The following VGLL4 variants were observed in gnomAD, a reference collection of about 807,000 sequenced individuals.
VGLL4 encodes transcription cofactor vestigial-like protein 4.
A neutral mutation model predicts 21.0 loss-of-function variants in VGLL4; 7 were observed. The observed-to-expected ratio is 0.33, with a 90% CI of 0.19 to 0.63. VGLL4 has a LOEUF of 0.63. VGLL4 is among the 20% of genes least tolerant of loss of function. VGLL4 has a pLI of 0.78. For missense variants in VGLL4, 394 were observed against 425.7 expected (o/e 0.93, Z 0.66); for synonymous variants, 222 against 173.2 (o/e 1.28, Z -2.21).
rs2073488559 is a variant in VGLL4, at chr3:11,566,153, C to A, written c.273-1134G>T. 1.3e-5 allele frequency among the ~76,000 whole-genome samples: 2 copies of A among 152,218 alleles called. 1 individual carries two copies. Among genetic ancestry groups the A allele is most frequent in the Admixed American group, 1.3e-4 (2 of 15,270 alleles). On this transcript the variant is annotated intron_variant, in intron 2 of 4. Transcript: ENST00000430365. ...GGACTGGCTGAATATGTTACACACA[C>A]AATGAATGTTACACACACAATGTTA...
intron 1 of VGLL4, among the ~76,000 whole-genome samples, chr3:11,616,318 TG>T (rs2075162227): frequency 6.6e-6 from 1 of 152,094 alleles, no homozygotes; most frequent in African/African-American, 2.4e-5. Context: ...TGGTCTTCAG[TG>T]TCTGAAAACA....
intron 3 of VGLL4, 148 bp from the exon 4 acceptor site, chr3:11,559,603 G>T: frequency 2.4e-6 from 3 of 1,241,974 alleles, no homozygotes; most frequent in Non-Finnish European, 3.2e-6. Context: ...GAGTCCTGTT[G>T]CTAAACACAG....
chr3:11,720,904 A>T (rs185247338), upstream of VGLL4, among the ~76,000 whole-genome samples: 3 of 151,988 alleles, frequency 2.0e-5, no homozygotes, highest in Admixed American at 2.0e-4. Flanking sequence ...GGGCCGGGGG[A>T]TAGAGGCCTG....
At chr3:11,596,738 T>A (rs373046108) in intron 2 of VGLL4, among the ~76,000 whole-genome samples, 151 of 152,316 alleles carry the variant, frequency 9.9e-4, no homozygotes, top group African/African-American at 3.4e-3. Context: ...CTCCTGCAGC[T>A]GAGGAACTAG....
intron 2 of VGLL4, among the ~76,000 whole-genome samples, chr3:11,679,420 C>T (rs1049133505): frequency 6.6e-6 from 1 of 151,952 alleles, no homozygotes; most frequent in Non-Finnish European, 1.5e-5. Flanking sequence ...CGCGGTAGCT[C>T]ACGCCTGTAA....
intron 2 of VGLL4, among the ~76,000 whole-genome samples, chr3:11,658,975 G>A (rs868406188): frequency 6.6e-5 from 10 of 152,088 alleles, no homozygotes; most frequent in Non-Finnish European, 1.3e-4. Context: ...ACCTCCAGGC[G>A]TCAGGCACAA....
At position 11,568,876 on chromosome 3, in the gene VGLL4, A is replaced by G; in HGVS notation, c.273-3857T>C. ...GGCCTATCAGAGCCGCTGAGGCTGC[A>G]CGGCACCCGGCCCCGCCCCGGGCCT... On this transcript the variant is annotated intron_variant, in intron 2 of 4. Transcript: ENST00000430365. This position sits in a 1 kb window ranked among gnomAD's most constrained non-coding sequence, Gnocchi z 5.9. 7.4e-7 allele frequency: 1 copy of G among 1,350,192 alleles called. No homozygotes were observed. The highest frequency in any genetic ancestry group is 9.5e-7 in the Non-Finnish European group (1 of 1,049,296). 83.6% of individuals were successfully genotyped at this position (1,350,192 alleles called of 1,614,324 possible). A position where few individuals can be genotyped will look rare whatever the true frequency, so the allele number is the denominator to read the frequency against.
intron 1 of VGLL4, among the ~76,000 whole-genome samples, chr3:11,609,056 TG>T (rs2075006191): frequency 6.6e-6 from 1 of 152,148 alleles, no homozygotes; most frequent in South Asian, 2.1e-4. Flanking sequence ...TTAGTAGAGA[TG>T]GGGTTTTACC....
chr3:11,716,916 G>A (rs2124834625), intron 1 of VGLL4, among the ~76,000 whole-genome samples: 1 of 152,112 alleles, frequency 6.6e-6, no homozygotes, highest in Admixed American at 6.5e-5. Context: ...TGAGTTCCCT[G>A]AAAGAAGCAC....
At chr3:11,615,762 T>A (rs551884227) in intron 1 of VGLL4, among the ~76,000 whole-genome samples, 1 of 152,296 alleles carries the variant, frequency 6.6e-6, no homozygotes, top group Non-Finnish European at 1.5e-5. Context: ...GGTCCCCAGA[T>A]ACAATTCAGC....
intron 1 of VGLL4, among the ~76,000 whole-genome samples, chr3:11,640,935 T>C (rs556309210): frequency 6.6e-6 from 1 of 152,092 alleles, no homozygotes; most frequent in South Asian, 2.1e-4. Flanking sequence ...CTGCCCAACA[T>C]GGTGAAACCC....
intron 1 of VGLL4, among the ~76,000 whole-genome samples, chr3:11,615,008 G>A (rs1458411145): frequency 5.3e-5 from 8 of 152,114 alleles, no homozygotes; most frequent in Admixed American, 5.2e-4. Context: ...GTTTGTTTTA[G>A]CTACATGCAT....
At chr3:11,579,501 C>G (rs1291049841) in intron 2 of VGLL4, among the ~76,000 whole-genome samples, 1 of 152,202 alleles carries the variant, frequency 6.6e-6, no homozygotes, top group Non-Finnish European at 1.5e-5. Flanking sequence ...TGTAACATCA[C>G]TCACATCTAG....
intron 2 of VGLL4, among the ~76,000 whole-genome samples, chr3:11,681,922 A>G (rs1213127648): frequency 1.3e-5 from 2 of 152,322 alleles, no homozygotes; most frequent in Non-Finnish European, 1.5e-5. Flanking sequence ...GGGTGTGGCC[A>G]CATCTCCAAG....
At position 11,568,114 on chromosome 3, in the gene VGLL4, G is replaced by A. The variant is rs578216374; in HGVS notation, c.273-3095C>T. ...GCCCGGGAGGGGCTGCAGCTCCCAA[G>A]TGACAGCTCTGGATCCGGGCAAGGA... On this transcript the variant is annotated intron_variant, in intron 2 of 4. Transcript: ENST00000430365. The surrounding 1 kb of genome is among the most constrained non-coding windows in gnomAD (Gnocchi z 5.9). 3.0e-4 allele frequency among the ~76,000 whole-genome samples: 45 copies of A among 152,364 alleles called. No individual in the cohort carries two copies. The highest frequency in any genetic ancestry group is 2.2e-3 in the Admixed American group (34 of 15,310).
At chr3:11,665,176 C>G (rs4432623) in intron 2 of VGLL4, among the ~76,000 whole-genome samples, 72,013 of 136,822 alleles carry the variant, frequency 0.53, 20,090 homozygotes, top group Non-Finnish European at 0.62. Flanking sequence ...TGCAGTGGCG[C>G]CATCTCGGCT....
At chr3:11,715,403 A>G (rs2076906349) in intron 1 of VGLL4, among the ~76,000 whole-genome samples, 1 of 152,066 alleles carries the variant, frequency 6.6e-6, no homozygotes, top group South Asian at 2.1e-4. Context: ...GTGCGATCTC[A>G]GCTCACTGCA....
Position 11,677,793 on chromosome 3 carries a change from T to TATTTC in VGLL4, c.64+25177_64+25178insGAAAT, listed in dbSNP as rs978625817. ...GGTGGCATGCACCTGTAGTCCCAGCTACTTGAGAGGTTGAGGCAGGGGAAT... is the reference window on the plus strand; with the variant it reads ...GGTGGCATGCACCTGTAGTCCCAGCTATTTCACTTGAGAGGTTGAGGCAGGGGAAT... On this transcript the variant is annotated intron_variant, in intron 2 of 5. Transcript: ENST00000273038. Among the ~76,000 whole-genome samples the TATTTC allele has an allele frequency of 6.1e-4, 92 of 151,456 alleles. 1 individual carries two copies. The highest frequency in any genetic ancestry group is 2.0e-4 in the Admixed American group (3 of 15,168).
In VGLL4 at chr3:11,643,527, C is replaced by T; in HGVS notation, c.-9G>A. The T allele has an allele frequency of 1.9e-6, 3 of 1,613,940 alleles. No individual in the cohort carries two copies. The highest frequency in any genetic ancestry group is 1.1e-5 in the South Asian group (1 of 91,082). ...ATCTTCATAAATAGCATTTATTGGG[C>T]TAGCAAAGAAAACCAGCTCTTTGCT... On this transcript the variant is annotated 5_prime_UTR_variant, in exon 1 of 5. Coordinates refer to ENST00000430365, the MANE Select transcript of VGLL4 (RefSeq NM_001128219.3).
Sources: allele counts gnomAD v4.1 joint callset (sites outside exome capture counted in the v4.1 genomes callset), GRCh38; gene constraint gnomAD v4.1.1; non-coding constraint Gnocchi (gnomAD v3.1); transcripts MANE v1.5; gene names NCBI Gene and HGNC (gene_info 2026-07-23, HGNC 2026-07-21).